Variants in MCM7 observed in about 807,000 individuals in gnomAD.
MCM7 encodes minichromosome maintenance complex component 7, also known as DNA replication licensing factor MCM7.
In MCM7, 95 loss-of-function variants were observed where a neutral mutation model predicts 83.5. The observed-to-expected ratio is 1.14, with a 90% confidence interval of 0.96 to 1.35. The LOEUF is 1.35. Among genes scored for constraint, MCM7 ranks in the 40% most tolerant of loss-of-function variants. MCM7 has a pLI of 0.00. For synonymous variants in MCM7, 461 were observed against 352.7 expected (o/e 1.31, Z -3.44); for missense variants, 1,087 against 957.4 (o/e 1.14, Z -1.79).
chr7:100,094,589 G>A (rs1295741643), intron 12 of MCM7, among the ~76,000 whole-genome samples: 2 of 152,132 alleles, frequency 1.3e-5, no homozygotes, highest in South Asian at 2.1e-4. Flanking sequence ...AATGGCCTTT[G>A]TAAGACAAAT....
At position 100,101,285 on chromosome 7, in the gene MCM7, TCAGTG is replaced by T; in HGVS notation, c.5_9del (p.Ala2GlufsTer11). On this transcript the variant is annotated frameshift_variant, in exon 1 of 15. Coordinates refer to ENST00000303887, the MANE Select transcript of MCM7 (RefSeq NM_005916.5). LOFTEE classifies it high-confidence loss of function. ...GTACCCTTCTCTAGCGCGTAGTCCT[TCAGTG>T]CCATCGCTGCCGAGGGCCGTGCGGC... 6.2e-7 allele frequency: 1 copy of T among 1,613,270 alleles called. No individual in the cohort carries two copies. Among genetic ancestry groups the T allele is most frequent in the Non-Finnish European group, 8.5e-7 (1 of 1,179,890 alleles).
At chr7:100,100,136 C>A in intron 1 of MCM7, 43 bp from the exon 2 acceptor site, 2 of 1,606,086 alleles carry the variant, frequency 1.2e-6, no homozygotes, top group Non-Finnish European at 1.7e-6. Context: ...AACTTTAAGA[C>A]AAATCTTAGA....
intron 9 of MCM7, 75 bp downstream of exon 9, chr7:100,097,539 A>G: frequency 6.2e-7 from 1 of 1,606,130 alleles, no homozygotes; most frequent in Non-Finnish European, 8.5e-7. Flanking sequence ...ACTGTGACCT[A>G]CAGGGACACT....
At position 100,097,613 on chromosome 7, in the gene MCM7, C is replaced by G; in HGVS notation, c.1117+1G>C. On this transcript the variant is annotated splice_donor_variant, in intron 9 of 14. Transcript: ENST00000303887. LOFTEE classifies it high-confidence loss of function. ...TGAGCCTCTCCCTTGTTTCTTCTTA[C>G]CCCGGATTTTCATGCCTCGAGGAGA... The G allele has an allele frequency of 6.2e-7, 1 of 1,613,600 alleles. No individual in the cohort carries two copies. The highest frequency in any genetic ancestry group is 1.1e-5 in the South Asian group (1 of 91,054).
chr7:100,098,267 A>G lies in MCM7; in HGVS notation c.744T>C (p.Asn248=). The G allele has an allele frequency of 6.2e-7, 1 of 1,614,128 alleles. No individual in the cohort carries two copies. The highest frequency in any genetic ancestry group is 8.5e-7 in the Non-Finnish European group (1 of 1,180,028). ...CCAGCACCGTGATACTACGAGGGAT[A>G]TTTCCCACAGGCACCTGATCACTCT... is the stretch of plus-strand genomic sequence containing the variant. ...QEHSDQVPVG[N]IPRSITVLVE... Residue 248 remains asparagine (N), a synonymous_variant, in exon 7 of 15, where the codon AAT becomes AAC. Coordinates refer to ENST00000303887, the MANE Select transcript of MCM7 (RefSeq NM_005916.5).
Position 100,094,301 on chromosome 7 carries a change from G to A in MCM7, c.1720C>T (p.Pro574Ser). The A allele has an allele frequency of 6.2e-7, 1 of 1,614,214 alleles. No individual in the cohort carries two copies. The highest frequency in any genetic ancestry group is 8.5e-7 in the Non-Finnish European group (1 of 1,180,046). Residue 574 changes from proline (P) to serine (S), a missense_variant, in exon 13 of 15, where the codon CCA becomes TCA. Transcript: ENST00000303887. ...AMCREKQPMV[P>S]ESLADYITAA... is the part of the protein sequence containing the mutation. ...GTGATGTAGTCAGCCAGAGACTCTG[G>A]CACCATGGGCTGCTTCTCGCGGCAC...
chr7:100,100,364 C>CGGGA lies in MCM7; in HGVS notation c.32-272_32-271insTCCC. On this transcript the variant is annotated intron_variant, in intron 1 of 14. Coordinates refer to ENST00000303887, the MANE Select transcript of MCM7 (RefSeq NM_005916.5). ...TAGTTTAAAATTCTAGCGCCCTTCC[C>CGGGA]CGTTGGCCCCTCACACTCCGGTCTC... The CGGGA allele has an allele frequency of 4.5e-6, 5 of 1,116,332 alleles. No individual in the cohort carries two copies. The South Asian group carries it at 1.2e-4, about 27-fold the overall frequency. The allele number at this position is 1,116,332 out of a possible 1,614,324, so 69.2% of individuals were successfully genotyped here.
chr7:100,095,931 C>A lies in MCM7; in HGVS notation c.1438G>T (p.Ala480Ser), dbSNP rs1400549153. 1 of 1,613,918 alleles carries A rather than the reference C, an allele frequency of 6.2e-7. No homozygotes were observed. Among genetic ancestry groups the A allele is most frequent in the African/African-American group, 1.3e-5 (1 of 74,920 alleles). ...AKAGILTTLN[A>S]RCSILAAANP... ...GCGGCAGCCAGGATGGAGCAGCGGG[C>A]ATTGAGTGTGGTGAGAATGCCGGCC... Residue 480 changes from alanine to serine, a missense_variant, in exon 11 of 15, where the codon GCC becomes TCC. Physicochemically the swap from Ala to Ser is moderately conservative, Grantham distance 99. Transcript: ENST00000303887.
rs746411250 is a variant in MCM7 at position 100,095,416 on chromosome 7, CTG to C, written c.1648_1649del (p.Gln550ValfsTer2). 1 of 1,613,954 alleles carries C rather than the reference CTG, an allele frequency of 6.2e-7. No homozygotes were observed. Among genetic ancestry groups the C allele is most frequent in the South Asian group, 1.1e-5 (1 of 90,970 alleles). On this transcript the variant is annotated frameshift_variant, in exon 12 of 15. Transcript: ENST00000303887. LOFTEE classifies it high-confidence loss of function. ...VHQHSRQPPSQFEPLDMKLMR... is the reference protein window; with the variant it reads ...VHQHSRQPPSXFEPLDMKLMR... ...TGAGCTTCATGTCCAGAGGTTCAAA[CTG>C]GGAGGGGGGCTGCCGGCTGTGCTGG...
At chr7:100,094,799 T>C (rs1195925168) in intron 12 of MCM7, among the ~76,000 whole-genome samples, 1 of 152,190 alleles carries the variant, frequency 6.6e-6, no homozygotes, top group Non-Finnish European at 1.5e-5. Flanking sequence ...ACTTTAAATT[T>C]TGGAGTATTT....
Position 100,092,980 on chromosome 7 carries a change from G to A in MCM7, c.2112C>T (p.Leu704=). ...GGGAAGCATTGACCTGCCAGACATT[G>A]AGCTCCTCATATTCATCCAGAGCCG... ...FQAALDEYEE[L]NVWQVNASRT... is the part of the protein sequence containing the mutation. The change falls in exon 15 of 15, where the codon CTC becomes CTT. Residue 704 remains leucine, a synonymous_variant. Transcript: ENST00000303887. The A allele has an allele frequency of 6.2e-7, 1 of 1,614,216 alleles. No individual in the cohort carries two copies. Among genetic ancestry groups the A allele is most frequent in the Non-Finnish European group, 8.5e-7 (1 of 1,180,046 alleles).
intron 13 of MCM7, 162 bp from the exon 14 acceptor site, chr7:100,093,563 C>A: frequency 1.3e-6 from 1 of 797,100 alleles, no homozygotes; most frequent in Non-Finnish European, 2.3e-6. Context: ...AGTGTTGGGC[C>A]GGCACTGTCA....
intron 6 of MCM7, 114 bp from the exon 7 acceptor site, chr7:100,098,404 G>A (rs1319767478): frequency 4.7e-6 from 7 of 1,493,850 alleles, no homozygotes; most frequent in African/African-American, 1.4e-5. Flanking sequence ...CAAGCCCACA[G>A]CAGGGGTGCT....
chr7:100,097,932 G>C lies in MCM7; in HGVS notation c.887C>G (p.Thr296Ser), dbSNP rs1795730458. 6.2e-7 allele frequency: 1 copy of C among 1,614,164 alleles called. No homozygotes were observed. Among genetic ancestry groups the C allele is most frequent in the Non-Finnish European group, 8.5e-7 (1 of 1,180,030 alleles). The change falls in exon 8 of 15, where the codon ACC becomes AGC. Residue 296 changes from threonine to serine, a missense_variant. Coordinates refer to ENST00000303887, the MANE Select transcript of MCM7 (RefSeq NM_005916.5). ...CACAATCCGATGGGCTTCCAGGTAG[G>C]TTTCTGAGAGTAAACCCTTGGGCAG... ...RQVVQGLLSETYLEAHRIVKM... is the reference protein window; with the variant it reads ...RQVVQGLLSESYLEAHRIVKM...
intron 1 of MCM7, chr7:100,100,509 G>T: frequency 1.0e-6 from 1 of 989,850 alleles, no homozygotes; most frequent in Non-Finnish European, 1.2e-6. Context: ...CCCCGCTCCC[G>T]CCATCGCTTC....
chr7:100,094,029 C>A lies in MCM7; in HGVS notation c.1848+144G>T, dbSNP rs72631827. 1.2e-3 allele frequency: 1,274 copies of A among 1,038,172 alleles called. 9 individuals carry two copies. In the African/African-American group the frequency reaches 0.016, roughly 13 times the overall value. The allele number at this position is 1,038,172 out of a possible 1,614,324, so 64.3% of individuals were successfully genotyped here. On this transcript the variant is annotated intron_variant, in intron 13 of 14. Transcript: ENST00000303887. ...AGCAAGTACCCACAGTGCGGTAGCA[C>A]GGAGAGGACCACTATCTGCACTGTC...
intron 10 of MCM7, 119 bp from the exon 11 acceptor site, chr7:100,096,286 A>C: frequency 9.8e-7 from 1 of 1,019,134 alleles, no homozygotes. Flanking sequence ...TCCCTCCACC[A>C]GGCCTTCTTG....
In MCM7 at chr7:100,095,896, G is replaced by A. The variant is rs1795607153; in HGVS notation, c.1473C>T (p.Ala491=). ...RCSILAAANP[A]YGRYNPRRSL... ...TGCGGCGAGGGTTGTAGCGCCCGTA[G>A]GCAGGGTTGGCGGCAGCCAGGATGG... The change falls in exon 11 of 15, where the codon GCC becomes GCT. Residue 491 remains alanine, a synonymous_variant. Transcript: ENST00000303887. The A allele has an allele frequency of 6.2e-7, 1 of 1,613,988 alleles. No homozygotes were observed. The highest frequency in any genetic ancestry group is 1.1e-5 in the South Asian group (1 of 91,082).
At chr7:100,101,081 A>G (rs1584501922) in intron 1 of MCM7, 183 bp downstream of exon 1, 1 of 750,092 alleles carries the variant, frequency 1.3e-6, no homozygotes, top group East Asian at 2.7e-5. Flanking sequence ...TTCAACATCG[A>G]TGGCCCCCCG....
Sources: allele counts gnomAD v4.1 joint callset (sites outside exome capture counted in the v4.1 genomes callset), GRCh38; gene constraint gnomAD v4.1.1; transcripts MANE v1.5; gene names NCBI Gene and HGNC (gene_info 2026-07-23, HGNC 2026-07-21).